Variants in PEAK1 observed in about 807,000 individuals in gnomAD.
PEAK1 encodes inactive tyrosine-protein kinase PEAK1.
Under a neutral mutation model 124.7 loss-of-function variants are expected in PEAK1, and 54 were observed. That is an observed-to-expected ratio of 0.43 (90% CI 0.35 to 0.54). The LOEUF is 0.54. Among genes scored for constraint, PEAK1 ranks in the 20% least tolerant of loss-of-function variants. The pLI is 0.01. For missense variants in PEAK1, 2,046 were observed against 2,134.5 expected (o/e 0.96, Z 0.82); for synonymous variants, 719 against 760.0 (o/e 0.95, Z 0.89).
intron 2 of PEAK1, among the ~76,000 whole-genome samples, chr15:77,311,744 G>C (rs1362564167): frequency 6.7e-6 from 1 of 150,266 alleles, no homozygotes; most frequent in East Asian, 1.9e-4. Context: ...TTAAACGTTT[G>C]GAATGAGATA....
chr15:77,114,890 C>T lies in PEAK1; in HGVS notation c.4507G>A (p.Gly1503Ser). 1 of 1,613,820 alleles carries T rather than the reference C, an allele frequency of 6.2e-7. No homozygotes were observed. The highest frequency in any genetic ancestry group is 8.5e-7 in the Non-Finnish European group (1 of 1,179,994). The stretch of plus-strand genomic sequence containing the variant: ...TGGTAGGGTTTGAGGTGCTCAAGAC[C>T]AGAGCATAGCTGTAAGAGCAGCAGA... ...VCLLLLQLCS[G>S]LEHLKPYHVT... is the part of the protein sequence containing the mutation. The change falls in exon 10 of 10, where the codon GGT (glycine) becomes AGT (serine). Residue 1503 changes from glycine to serine, a missense_variant. Coordinates refer to ENST00000682557, the MANE Select transcript of PEAK1 (RefSeq NM_001385026.1).
chr15:77,333,823 A>T (rs747553714), intron 2 of PEAK1: 5 of 744,454 alleles, frequency 6.7e-6, no homozygotes, highest in Non-Finnish European at 8.2e-6. Flanking sequence ...AAATCTTCTA[A>T]TATATGGTGG....
chr15:77,302,787 T>G (rs141679411), intron 2 of PEAK1, among the ~76,000 whole-genome samples: 2 of 152,312 alleles, frequency 1.3e-5, no homozygotes, highest in African/African-American at 4.8e-5. Flanking sequence ...TTTTCAAAAA[T>G]TTGTACACAT....
intron 5 of PEAK1, among the ~76,000 whole-genome samples, chr15:77,278,107 C>G (rs1036883624): frequency 6.6e-6 from 1 of 151,936 alleles, no homozygotes; most frequent in African/African-American, 2.4e-5. Context: ...CTCGTGGGCA[C>G]GAGGGTATGT....
At chr15:77,279,444 A>G (rs781181114) in intron 5 of PEAK1, among the ~76,000 whole-genome samples, 1 of 152,108 alleles carries the variant, frequency 6.6e-6, no homozygotes, top group African/African-American at 2.4e-5. Flanking sequence ...CTGACCCCCA[A>G]TAATTGGTTA....
chr15:77,181,049 G>T lies in PEAK1; in HGVS notation c.878C>A (p.Thr293Asn), dbSNP rs763051977. 1 of 1,614,166 alleles carries T rather than the reference G, an allele frequency of 6.2e-7. No individual in the cohort carries two copies. Among genetic ancestry groups the T allele is most frequent in the Non-Finnish European group, 8.5e-7 (1 of 1,180,010 alleles). The change falls in exon 7 of 10, where the codon ACC (threonine) becomes AAC (asparagine). Residue 293 changes from threonine (T) to asparagine (N), a missense_variant. Transcript: ENST00000682557. ...CAGAGACTTGTTTCGCAGGGGGATG[G>T]TATTCCATTTTTTGTCCACAAAGAA... is the stretch of plus-strand genomic sequence containing the variant. ...VRFFVDKKWN[T>N]IPLRNKSLQR...
At chr15:77,344,633 T>C (rs78925060) in intron 2 of PEAK1, among the ~76,000 whole-genome samples, 112 of 152,336 alleles carry the variant, frequency 7.4e-4, no homozygotes, top group African/African-American at 2.7e-3. Context: ...TCTAATTGAA[T>C]CTATAAATTG....
chr15:77,216,516 T>G (rs528144825), intron 6 of PEAK1, among the ~76,000 whole-genome samples: 3 of 152,226 alleles, frequency 2.0e-5, no homozygotes, highest in Non-Finnish European at 4.4e-5. Flanking sequence ...AAGTAACTGA[T>G]GCCTTATGAA....
intron 2 of PEAK1, among the ~76,000 whole-genome samples, chr15:77,287,640 C>T (rs1274613266): frequency 6.6e-6 from 1 of 152,108 alleles, no homozygotes; most frequent in Non-Finnish European, 1.5e-5. Flanking sequence ...CTGTATTCCT[C>T]CAGGACTGGG....
At chr15:77,396,100 T>C (rs1347717168) in intron 1 of PEAK1, among the ~76,000 whole-genome samples, 1 of 152,144 alleles carries the variant, frequency 6.6e-6, no homozygotes, top group Non-Finnish European at 1.5e-5. Flanking sequence ...TTTTTATTAG[T>C]TGTTTTCTTT....
intron 6 of PEAK1, among the ~76,000 whole-genome samples, chr15:77,229,293 C>G (rs1269988831): frequency 1.3e-5 from 2 of 152,160 alleles, no homozygotes; most frequent in African/African-American, 4.8e-5. Flanking sequence ...GCAGAGACAT[C>G]CTTACTCTAA....
chr15:77,136,495 G>C (rs987863853), intron 8 of PEAK1, among the ~76,000 whole-genome samples: 6 of 151,992 alleles, frequency 3.9e-5, no homozygotes, highest in Non-Finnish European at 8.8e-5. Context: ...GTGAAACCCT[G>C]TCTCTACTAA....
chr15:77,409,943 G>C (rs1341859683), intron 1 of PEAK1, among the ~76,000 whole-genome samples: 1 of 152,170 alleles, frequency 6.6e-6, no homozygotes, highest in Non-Finnish European at 1.5e-5. Flanking sequence ...GGCTGAGCTG[G>C]TAAATTCAAA....
At chr15:77,128,096 A>AC (rs2152732768) in intron 9 of PEAK1, among the ~76,000 whole-genome samples, 1 of 151,540 alleles carries the variant, frequency 6.6e-6, no homozygotes, top group African/African-American at 2.4e-5. Context: ...AAAAAAAAAA[A>AC]GGGAAAGCTT....
chr15:77,196,579 C>G (rs1036935937), intron 6 of PEAK1, among the ~76,000 whole-genome samples: 2 of 152,126 alleles, frequency 1.3e-5, no homozygotes, highest in Non-Finnish European at 2.9e-5. Context: ...GCAAGGCATA[C>G]ATAAAACATG....
Position 77,249,676 on chromosome 15 carries a change from T to C in PEAK1, c.-115+2691A>G, listed in dbSNP as rs560961881. On this transcript the variant is annotated intron_variant, in intron 6 of 9. Coordinates refer to ENST00000682557, the MANE Select transcript of PEAK1 (RefSeq NM_001385026.1). Reference sequence around the variant, plus strand: ...GAATCAGTGCAGTTATTTTACAGTATAGAGAGATGAAGTTCTTATCAAATC... The same window carrying C: ...GAATCAGTGCAGTTATTTTACAGTACAGAGAGATGAAGTTCTTATCAAATC... Among the ~76,000 whole-genome samples, 19 of 152,256 alleles carry C rather than the reference T, an allele frequency of 1.2e-4. No homozygotes were observed. In the South Asian group the frequency reaches 3.5e-3, roughly 28 times the overall value.
chr15:77,296,731 T>C lies in PEAK1; in HGVS notation c.-602-10227A>G, dbSNP rs574606427. Among the ~76,000 whole-genome samples, 3 of 151,920 alleles carry C rather than the reference T, an allele frequency of 2.0e-5. No homozygotes were observed. The East Asian group carries it at 5.8e-4, about 29-fold the overall frequency. On this transcript the variant is annotated intron_variant, in intron 2 of 9. Coordinates refer to ENST00000682557, the MANE Select transcript of PEAK1 (RefSeq NM_001385026.1). ...AAAATGGTAGAGGACGAGTTTATCC[T>C]AGGGCAGATTATTAACTATGATCTA...
intron 6 of PEAK1, among the ~76,000 whole-genome samples, chr15:77,211,398 C>T (rs1035339921): frequency 7.2e-5 from 11 of 152,060 alleles, no homozygotes; most frequent in Non-Finnish European, 1.5e-4. Flanking sequence ...GGATGAAATT[C>T]TGGGTAGTAC....
chr15:77,245,426 C>A (rs1488773613), intron 6 of PEAK1, among the ~76,000 whole-genome samples: 2 of 151,866 alleles, frequency 1.3e-5, no homozygotes, highest in Non-Finnish European at 2.9e-5. Flanking sequence ...ATCTTTTTGG[C>A]CAGGCATGGT....
Sources: gnomAD v4.1 joint callset for allele counts (sites outside exome capture counted in the v4.1 genomes callset) on GRCh38, gnomAD v4.1.1 for gene constraint, MANE v1.5 for transcripts, NCBI Gene and HGNC (gene_info 2026-07-23, HGNC 2026-07-21) for gene names.